RBFOX1: variants seen among roughly 807,000 people sequenced by gnomAD.
RBFOX1 encodes RNA binding fox-1 homolog 1, also known as RNA binding protein fox-1 homolog 1.
Under a neutral mutation model 57.7 loss-of-function variants are expected in RBFOX1, and 8 were observed. That is an observed-to-expected ratio of 0.14 (90% CI 0.08 to 0.25). RBFOX1 has a LOEUF of 0.25. Among genes scored for constraint, RBFOX1 ranks in the 10% least tolerant of loss-of-function variants. RBFOX1 has a pLI of 1.00. For synonymous variants in RBFOX1, 326 were observed against 222.4 expected, an observed-to-expected ratio of 1.47 and a Z score of -4.15; for missense variants, 611 against 548.5, an observed-to-expected ratio of 1.11 and a Z score of -1.14.
At chr16:7,699,005 A>C (rs774311127) in intron 14 of RBFOX1, among the ~76,000 whole-genome samples, 1 of 152,210 alleles carries the variant, frequency 6.6e-6, no homozygotes, top group Non-Finnish European at 1.5e-5. Flanking sequence ...TTCTAGAAGA[A>C]TGCACCAAAG....
chr16:6,132,389 C>G (rs1473426809), intron 1 of RBFOX1, among the ~76,000 whole-genome samples: 3 of 152,204 alleles, frequency 2.0e-5, no homozygotes, highest in Non-Finnish European at 4.4e-5. Context: ...CATGTAGATA[C>G]CACAGATACG....
chr16:6,830,709 T>C (rs2092644994), intron 3 of RBFOX1, among the ~76,000 whole-genome samples: 1 of 152,156 alleles, frequency 6.6e-6, no homozygotes, highest in African/African-American at 2.4e-5. Context: ...GAAACGTTGC[T>C]CTATCATGGT....
At chr16:7,364,518 G>C (rs2146890767) in intron 4 of RBFOX1, among the ~76,000 whole-genome samples, 1 of 149,552 alleles carries the variant, frequency 6.7e-6, no homozygotes, top group African/African-American at 2.5e-5. Flanking sequence ...ACTATCTTTG[G>C]CAAGGGAGAG....
chr16:5,608,678 T>A (rs1195704425), intron 3 of RBFOX1, among the ~76,000 whole-genome samples: 1 of 152,226 alleles, frequency 6.6e-6, no homozygotes, highest in Non-Finnish European at 1.5e-5. Flanking sequence ...TGGAGTTGTC[T>A]GTTACAAGGC....
At chr16:5,709,164 G>C (rs1023787089) in intron 3 of RBFOX1, among the ~76,000 whole-genome samples, 10 of 152,128 alleles carry the variant, frequency 6.6e-5, no homozygotes, top group African/African-American at 2.4e-4. Context: ...AGCATCTGTG[G>C]ATCTGTTTCT....
chr16:5,756,240 A>C (rs1386113459), intron 3 of RBFOX1, among the ~76,000 whole-genome samples: 1 of 151,320 alleles, frequency 6.6e-6, no homozygotes, highest in African/African-American at 2.4e-5. Flanking sequence ...AAAAAAAAAA[A>C]AAAAAAAACC....
At chr16:6,699,393 G>A (rs1431214148) in intron 3 of RBFOX1, among the ~76,000 whole-genome samples, 1 of 151,654 alleles carries the variant, frequency 6.6e-6, no homozygotes, top group East Asian at 1.9e-4. Flanking sequence ...TTATGCAAAA[G>A]TGGTGTCTTT....
At position 6,618,145 on chromosome 16, in the gene RBFOX1, G is replaced by C. The variant is rs139906905; in HGVS notation, c.-63-36458G>C. On this transcript the variant is annotated intron_variant, in intron 2 of 15. Transcript: ENST00000550418. ...AACCGTCAGTGCTCCCAGTGTTACA[G>C]GGACATGAGGAGGGGTTAGTTTGGG... Among the ~76,000 whole-genome samples the C allele has an allele frequency of 1.9e-3, 292 of 152,246 alleles. 1 individual carries two copies. Among genetic ancestry groups the C allele is most frequent in the African/African-American group, 6.7e-3 (280 of 41,566 alleles).
chr16:5,695,829 T>C (rs1256675858), intron 3 of RBFOX1, among the ~76,000 whole-genome samples: 1 of 152,206 alleles, frequency 6.6e-6, no homozygotes, highest in African/African-American at 2.4e-5. Context: ...CTATAGAATG[T>C]AATAGATATG....
At chr16:6,700,766 A>G (rs1384698698) in intron 3 of RBFOX1, among the ~76,000 whole-genome samples, 7 of 152,172 alleles carry the variant, frequency 4.6e-5, no homozygotes, top group African/African-American at 1.2e-4. Context: ...TCATTACTAC[A>G]TTTACCATGT....
intron 3 of RBFOX1, among the ~76,000 whole-genome samples, chr16:6,859,175 G>GTATATATATGTATATATATATGTATA (rs2058543937): frequency 1.5e-5 from 1 of 66,550 alleles, no homozygotes; most frequent in Non-Finnish European, 2.8e-5. Flanking sequence ...GTATATATAT[G>GTATATATATGTATATATATATGTATA]TATATATATG....
At chr16:7,471,001 T>C (rs971785522) in intron 4 of RBFOX1, among the ~76,000 whole-genome samples, 4 of 152,136 alleles carry the variant, frequency 2.6e-5, no homozygotes, top group African/African-American at 7.2e-5. Context: ...CCAAGATAGA[T>C]TTTATTGAAC....
chr16:7,176,962 C>G (rs1337202791), intron 4 of RBFOX1, among the ~76,000 whole-genome samples: 1 of 152,122 alleles, frequency 6.6e-6, no homozygotes, highest in East Asian at 1.9e-4. Context: ...TTTAGTAATT[C>G]ATTTACAAGG....
intron 2 of RBFOX1, among the ~76,000 whole-genome samples, chr16:6,545,616 C>T (rs1377883820): frequency 2.0e-5 from 3 of 152,222 alleles, no homozygotes; most frequent in African/African-American, 4.8e-5. Context: ...CCAAAGATCT[C>T]ACTGTACTAA....
intron 3 of RBFOX1, among the ~76,000 whole-genome samples, chr16:6,948,742 C>G (rs1287860598): frequency 6.6e-6 from 1 of 152,158 alleles, no homozygotes; most frequent in Non-Finnish European, 1.5e-5. Context: ...GAAATGTTCA[C>G]TACTCCATTC....
At chr16:5,391,016 G>A (rs528712054) in intron 1 of RBFOX1, among the ~76,000 whole-genome samples, 1 of 152,300 alleles carries the variant, frequency 6.6e-6, no homozygotes, top group South Asian at 2.1e-4. Flanking sequence ...CTTGTGAGAA[G>A]CTCAACCAAC....
intron 3 of RBFOX1, among the ~76,000 whole-genome samples, chr16:6,862,920 G>T (rs1424202739): frequency 6.6e-6 from 1 of 151,904 alleles, no homozygotes; most frequent in Non-Finnish European, 1.5e-5. Context: ...AGGAGGCAGA[G>T]GTTGCAGTGA....
At chr16:6,655,650 C>G (rs924523662) in intron 3 of RBFOX1, among the ~76,000 whole-genome samples, 1 of 152,270 alleles carries the variant, frequency 6.6e-6, no homozygotes, top group East Asian at 1.9e-4. Context: ...TGCAGCAAAG[C>G]ACATCCAAGA....
At chr16:6,780,459 T>G (rs575323587) in intron 3 of RBFOX1, among the ~76,000 whole-genome samples, 3 of 104,402 alleles carry the variant, frequency 2.9e-5, no homozygotes, top group South Asian at 3.4e-4. Flanking sequence ...TACATTTTTA[T>G]ATATATTTAT....
Sources: gnomAD v4.1 joint callset for allele counts (sites outside exome capture counted in the v4.1 genomes callset) on GRCh38, gnomAD v4.1.1 for gene constraint, MANE v1.5 for transcripts, NCBI Gene and HGNC (gene_info 2026-07-23, HGNC 2026-07-21) for gene names.